The following PDXDC1 variants were observed in gnomAD, a reference collection of about 807,000 sequenced individuals.
PDXDC1 encodes pyridoxal dependent decarboxylase domain containing 1.
Under a neutral mutation model 100.1 loss-of-function variants are expected in PDXDC1, and 42 were observed. That is an observed-to-expected ratio of 0.42 (90% confidence interval 0.33 to 0.54). PDXDC1 has a LOEUF of 0.54. Ranked by LOEUF, PDXDC1 falls within the 20% of genes least tolerant of loss-of-function variation. The pLI, the probability that PDXDC1 is intolerant of heterozygous loss-of-function variation, is 0.10. For missense variants in PDXDC1, 636 were observed against 979.2 expected (o/e 0.65, Z 4.68); for synonymous variants, 260 against 371.7 (o/e 0.70, Z 3.46).
chr16:15,091,135 C>T (rs1333320717), intron 16 of PDXDC1, among the ~76,000 whole-genome samples: 4 of 152,044 alleles, frequency 2.6e-5, no homozygotes, highest in Non-Finnish European at 5.9e-5. Context: ...AAAATATCTG[C>T]AGCCATCACC....
intron 8 of PDXDC1, chr16:15,010,452 C>A (rs2041164396): frequency 6.5e-6 from 1 of 154,602 alleles, no homozygotes; most frequent in Admixed American, 6.5e-5. Flanking sequence ...AAGTTCAATA[C>A]CAGTCTGGGT....
chr16:14,983,060 A>G (rs1289538242), intron 1 of PDXDC1, among the ~76,000 whole-genome samples: 2 of 152,370 alleles, frequency 1.3e-5, no homozygotes, highest in Middle Eastern at 3.4e-3. Context: ...CATAACTCCA[A>G]GGTCTTCTAA....
At chr16:15,013,533 A>G (rs1289765110) in intron 8 of PDXDC1, among the ~76,000 whole-genome samples, 3,225 of 150,920 alleles carry the variant, frequency 0.021, no homozygotes, top group African/African-American at 0.077. Flanking sequence ...ATATTTGTCA[A>G]AACTCATTGG....
chr16:15,133,640 C>A lies in PDXDC1; in HGVS notation c.1400-5239C>A, dbSNP rs527852826. ...ACAGAACTCCTCGCAGTGGCCCTGG[C>A]GACAGCGCTGCAGCAGCAGGGCGTA... On this transcript the variant is annotated intron_variant, in intron 16 of 16. Transcript: ENST00000535621. The A allele has an allele frequency of 2.3e-5, 32 of 1,373,848 alleles. 1 individual carries two copies. The East Asian group carries it at 7.2e-4, about 31-fold the overall frequency. The allele number at this position is 1,373,848 out of a possible 1,614,324, so 85.1% of individuals were successfully genotyped here.
chr16:15,083,272 G>A lies in PDXDC1; in HGVS notation c.1399+53216G>A, dbSNP rs113314003. On this transcript the variant is annotated intron_variant, in intron 16 of 16. Coordinates refer to the PDXDC1 transcript ENST00000535621. The stretch of plus-strand genomic sequence containing the variant: ...AAATTAGCTGGGCATGGTGGTAGGC[G>A]CCTGCAGTCCCAGCTAATGGGGAGG... Among the ~76,000 whole-genome samples, 1,318 of 152,220 alleles carry A rather than the reference G, an allele frequency of 8.7e-3. 6 individuals are homozygous for A. The highest frequency in any genetic ancestry group is 0.037 in the Middle Eastern group (11 of 294).
rs149356283 is a variant in PDXDC1 at position 15,038,222 on chromosome 16, A to C, written c.*1947A>C. ...GAAGTGGAAAGATTCTGAAAACACAAGATGGTGGGCATTAGAGAAGCCAAC... is the reference window on the plus strand; with the variant it reads ...GAAGTGGAAAGATTCTGAAAACACACGATGGTGGGCATTAGAGAAGCCAAC... On this transcript the variant is annotated 3_prime_UTR_variant, in exon 23 of 23. Transcript: ENST00000396410. 1.3e-3 allele frequency: 2,016 copies of C among 1,609,826 alleles called. 54 individuals are homozygous for C. In the East Asian group the frequency reaches 0.04, roughly 32 times the overall value.
intron 1 of PDXDC1, among the ~76,000 whole-genome samples, chr16:14,997,049 C>A (rs1370297763): frequency 6.6e-6 from 1 of 152,108 alleles, no homozygotes; most frequent in Non-Finnish European, 1.5e-5. Context: ...TTGTGGTTAC[C>A]CCCATGGGAC....
intron 16 of PDXDC1, among the ~76,000 whole-genome samples, chr16:15,051,816 T>C (rs1039684077): frequency 2.0e-5 from 3 of 150,318 alleles, no homozygotes; most frequent in Non-Finnish European, 4.4e-5. Flanking sequence ...TCCTCCCACC[T>C]CAGCCTCCTT....
In PDXDC1 at chr16:15,137,372, C is replaced by T. The variant is rs2048381344; in HGVS notation, c.1400-1507C>T. 7 of 1,518,732 alleles carry T rather than the reference C, an allele frequency of 4.6e-6. No homozygotes were observed. The East Asian group carries it at 1.7e-4, about 37-fold the overall frequency. 94.1% of individuals were successfully genotyped at this position (1,518,732 alleles called of 1,614,324 possible). A position where few individuals can be genotyped will look rare whatever the true frequency, so the allele number is the denominator to read the frequency against. Reference sequence around the variant, plus strand: ...GGAGGCACTAGAGGGCTGGGCCGCCCCACACAGGCACCAGCCCTGCTCCGA... The same window carrying T: ...GGAGGCACTAGAGGGCTGGGCCGCCTCACACAGGCACCAGCCCTGCTCCGA... On this transcript the variant is annotated intron_variant, in intron 16 of 16. Coordinates refer to the PDXDC1 transcript ENST00000535621.
intron 1 of PDXDC1, among the ~76,000 whole-genome samples, chr16:14,978,422 C>G (rs1188541000): frequency 2.0e-5 from 3 of 152,304 alleles, no homozygotes; most frequent in African/African-American, 7.2e-5. Flanking sequence ...CAGGATCTCT[C>G]TCTGTCACCC....
At chr16:15,043,001 AGC>A (rs1350264048), downstream of PDXDC1, among the ~76,000 whole-genome samples, 2 of 151,918 alleles carry the variant, frequency 1.3e-5, no homozygotes, top group African/African-American at 4.8e-5. Context: ...CCCGGGTTCA[AGC>A]GGTTCTCCTG....
chr16:15,144,120 C>T (rs1044947750), downstream of PDXDC1, among the ~76,000 whole-genome samples: 1 of 152,126 alleles, frequency 6.6e-6, no homozygotes, highest in African/African-American at 2.4e-5. Context: ...TCCCCTCCGC[C>T]CAGCAAGAGG....
chr16:15,098,260 G>A (rs1384137482), intron 16 of PDXDC1, among the ~76,000 whole-genome samples: 2 of 150,378 alleles, frequency 1.3e-5, no homozygotes, highest in African/African-American at 4.9e-5. Context: ...GGGTACAGTG[G>A]CACAAGCTCA....
At chr16:15,043,635 T>C (rs999649109) in intron 16 of PDXDC1, among the ~76,000 whole-genome samples, 2 of 152,122 alleles carry the variant, frequency 1.3e-5, no homozygotes, top group African/African-American at 4.8e-5. Flanking sequence ...CAATGTTTTC[T>C]TTCTTTCTTT....
At chr16:15,005,731 A>T (rs1472370980) in intron 5 of PDXDC1, among the ~76,000 whole-genome samples, 4 of 152,234 alleles carry the variant, frequency 2.6e-5, no homozygotes, top group African/African-American at 9.6e-5. Context: ...ATGGAGTCTT[A>T]CTCTGTCACC....
intron 16 of PDXDC1, among the ~76,000 whole-genome samples, chr16:15,117,327 G>A (rs1286894119): frequency 1.8e-5 from 2 of 110,398 alleles, no homozygotes; most frequent in Non-Finnish European, 3.7e-5. Flanking sequence ...GGTTTATGCT[G>A]GTGTATGTAC....
intron 16 of PDXDC1, among the ~76,000 whole-genome samples, chr16:15,085,064 T>C (rs946723101): frequency 2.6e-5 from 4 of 151,408 alleles, no homozygotes; most frequent in Admixed American, 2.6e-4. Context: ...AGACTCTGTC[T>C]CAAAAAACAA....
chr16:15,043,615 C>A (rs1240001841), intron 16 of PDXDC1, among the ~76,000 whole-genome samples: 1 of 137,446 alleles, frequency 7.3e-6, no homozygotes, highest in African/African-American at 2.5e-5. Flanking sequence ...GGTGGTTAGT[C>A]AACACACGAC....
the PDXDC1 span, among the ~76,000 whole-genome samples, chr16:15,146,197 G>T: frequency 2.0e-5 from 3 of 152,148 alleles, no homozygotes; most frequent in East Asian, 5.8e-4. Flanking sequence ...CCAGCAGGAG[G>T]CCCTCACAGA....
Sources: gnomAD v4.1 joint callset for allele counts (sites outside exome capture counted in the v4.1 genomes callset) on GRCh38, gnomAD v4.1.1 for gene constraint, MANE v1.5 for transcripts, NCBI Gene and HGNC (gene_info 2026-07-23, HGNC 2026-07-21) for gene names.